The following MED13L variants were observed in gnomAD, a reference collection of about 807,000 sequenced individuals.
The protein encoded by MED13L is mediator of RNA polymerase II transcription subunit 13-like.
Under a neutral mutation model 220.9 loss-of-function variants are expected in MED13L, and 7 were observed. The observed-to-expected ratio is 0.03, with a 90% CI of 0.02 to 0.06. MED13L has a LOEUF of 0.06. MED13L is among the 10% of genes least tolerant of loss of function. The pLI, the probability that MED13L is intolerant of heterozygous loss-of-function variation, is 1.00. For missense variants in MED13L, 1,965 were observed against 2,760.5 expected (o/e 0.71, Z 6.46); for synonymous variants, 1,011 against 1,015.2 (o/e 1.00, Z 0.08).
rs368560351 is a variant in MED13L, at chr12:116,015,170, G to A, written c.1114C>T (p.Leu372Phe). The A allele has an allele frequency of 4.3e-6, 7 of 1,613,738 alleles. No homozygotes were observed. The highest frequency in any genetic ancestry group is 5.9e-6 in the Non-Finnish European group (7 of 1,179,878). The stretch of plus-strand genomic sequence containing the variant: ...ACTCGATGGACCATATGATTGTGGA[G>A]TTTTGGAGGAATCTTCCCCGATCTC... ...PKRSGKIPPK[L>F]HNHMVHRVWK... The change falls in exon 8 of 31, where the codon CTC (leucine) becomes TTC (phenylalanine). Residue 372 changes from leucine to phenylalanine, a missense_variant. Coordinates refer to ENST00000281928, the MANE Select transcript of MED13L (RefSeq NM_015335.5).
rs74925712 is a variant in MED13L at position 116,022,902 on chromosome 12, T to C, written c.480-301A>G. Reference sequence around the variant, plus strand: ...TAAACACCTAAGAACAGAGAAGGAATTGGAATAGTTTTCTATTGTCTCAGT... The same window carrying C: ...TAAACACCTAAGAACAGAGAAGGAACTGGAATAGTTTTCTATTGTCTCAGT... On this transcript the variant is annotated intron_variant, in intron 4 of 30. Coordinates refer to ENST00000281928, the MANE Select transcript of MED13L (RefSeq NM_015335.5). Among the ~76,000 whole-genome samples, 58 of 152,228 alleles carry C rather than the reference T, an allele frequency of 3.8e-4. No homozygotes were observed. In the East Asian group the frequency reaches 8.5e-3, roughly 22 times the overall value.
At chr12:116,179,574 A>G (rs1233303376) in intron 2 of MED13L, among the ~76,000 whole-genome samples, 3 of 152,098 alleles carry the variant, frequency 2.0e-5, no homozygotes, top group Non-Finnish European at 4.4e-5. Context: ...TGATCATGCC[A>G]CTGCACTCCA....
Position 116,003,067 on chromosome 12 carries a change from A to T in MED13L, c.2505T>A (p.Pro835=). Residue 835 remains proline (P), a synonymous_variant, in exon 14 of 31, where the codon CCT becomes CCA. Transcript: ENST00000281928. ...GAGGTCGGTCTTCTGTCCCAACTGC[A>T]GGCATTTTTGATGAGCGCAGAGCAG... ...VSPALRSSKM[P]AVGTEDRPLG... 1 of 1,614,158 alleles carries T rather than the reference A, an allele frequency of 6.2e-7. No individual in the cohort carries two copies. The highest frequency in any genetic ancestry group is 8.5e-7 in the Non-Finnish European group (1 of 1,179,974).
chr12:116,116,340 C>T (rs1269747757), intron 2 of MED13L, among the ~76,000 whole-genome samples: 1 of 151,944 alleles, frequency 6.6e-6, no homozygotes, highest in African/African-American at 2.4e-5. Flanking sequence ...GATTATATAA[C>T]GAAGCTTTCA....
intron 4 of MED13L, among the ~76,000 whole-genome samples, chr12:116,031,085 T>C (rs979949526): frequency 1.3e-5 from 2 of 152,168 alleles, no homozygotes; most frequent in Non-Finnish European, 1.5e-5. Context: ...ATAATAATTA[T>C]TTTTAAAACT....
At chr12:116,066,200 C>T (rs1318973618) in intron 4 of MED13L, among the ~76,000 whole-genome samples, 1 of 152,170 alleles carries the variant, frequency 6.6e-6, no homozygotes, top group Non-Finnish European at 1.5e-5. Context: ...AAAGCATGCG[C>T]ACTCTGGACA....
At chr12:116,275,984 C>T (rs1873782369) in intron 1 of MED13L, among the ~76,000 whole-genome samples, 1 of 152,198 alleles carries the variant, frequency 6.6e-6, no homozygotes, top group Non-Finnish European at 1.5e-5. Context: ...AATTATTAGC[C>T]TAAACGCCAG....
intron 2 of MED13L, among the ~76,000 whole-genome samples, chr12:116,203,035 A>T (rs1223391377): frequency 6.6e-6 from 1 of 152,178 alleles, no homozygotes; most frequent in African/African-American, 2.4e-5. Context: ...TTGCCACAGA[A>T]ACCAACACTG....
rs1294726597 is a variant in MED13L at position 115,959,243 on chromosome 12, A to AG, written c.*2022dup. On this transcript the variant is annotated 3_prime_UTR_variant, in exon 31 of 31. Transcript: ENST00000281928. Reference sequence around the variant, plus strand: ...TCTTAACTTAAAAAACTTAAATAAAAGACACCAGATGAAAACTACCCTTTG... The same window carrying AG: ...TCTTAACTTAAAAAACTTAAATAAAAGGACACCAGATGAAAACTACCCTTTG... The AG allele has an allele frequency of 6.6e-6, 1 of 152,616 alleles. No individual in the cohort carries two copies. The highest frequency in any genetic ancestry group is 2.4e-5 in the African/African-American group (1 of 41,462). 9.5% of individuals were successfully genotyped at this position (152,616 alleles called of 1,614,324 possible).
At chr12:116,015,051 G>A in intron 8 of MED13L, 58 bp downstream of exon 8, 1 of 1,519,592 alleles carries the variant, frequency 6.6e-7, no homozygotes, top group Non-Finnish European at 9.1e-7. Flanking sequence ...CATTTTCCAG[G>A]TAGCAATCAA....
At chr12:116,269,751 G>C (rs1873130317) in intron 1 of MED13L, among the ~76,000 whole-genome samples, 1 of 152,172 alleles carries the variant, frequency 6.6e-6, no homozygotes, top group Non-Finnish European at 1.5e-5. Context: ...TGTCAGCCAA[G>C]GCTCTGCGCT....
chr12:116,151,370 A>G (rs1878024313), intron 2 of MED13L, among the ~76,000 whole-genome samples: 1 of 152,218 alleles, frequency 6.6e-6, no homozygotes, highest in South Asian at 2.1e-4. Flanking sequence ...TCCTACCTTC[A>G]AATTGCCTCC....
chr12:116,126,313 G>C (rs939112021), intron 2 of MED13L, among the ~76,000 whole-genome samples: 1 of 152,322 alleles, frequency 6.6e-6, no homozygotes, highest in South Asian at 2.1e-4. Context: ...TTCGAAATCT[G>C]GCTAGAATGG....
chr12:116,242,290 T>C (rs931104988), intron 1 of MED13L, among the ~76,000 whole-genome samples: 3 of 152,222 alleles, frequency 2.0e-5, no homozygotes, highest in South Asian at 2.1e-4. Context: ...GGTGATACGC[T>C]TGCCTTGGCC....
intron 4 of MED13L, among the ~76,000 whole-genome samples, chr12:116,094,706 A>G (rs1488570164): frequency 6.6e-6 from 1 of 152,198 alleles, no homozygotes; most frequent in Non-Finnish European, 1.5e-5. Flanking sequence ...CAGTGACACA[A>G]TCCATGTTAG....
At chr12:116,078,044 T>G (rs1304707117) in intron 4 of MED13L, among the ~76,000 whole-genome samples, 1 of 149,084 alleles carries the variant, frequency 6.7e-6, no homozygotes, top group Non-Finnish European at 1.5e-5. Flanking sequence ...CTCGGGAGGC[T>G]GAGGCACAAG....
chr12:116,142,026 C>A (rs538393920), intron 2 of MED13L, among the ~76,000 whole-genome samples: 3 of 152,178 alleles, frequency 2.0e-5, no homozygotes, highest in Admixed American at 6.5e-5. Flanking sequence ...GTTCTCTCTC[C>A]CTGAAATGCT....
At chr12:116,187,917 A>T (rs1363261107) in intron 2 of MED13L, among the ~76,000 whole-genome samples, 3 of 152,080 alleles carry the variant, frequency 2.0e-5, no homozygotes, top group Non-Finnish European at 4.4e-5. Context: ...TGTCAACAGA[A>T]ATCAGTGAAA....
chr12:116,031,673 GA>G (rs1199876022), intron 4 of MED13L, among the ~76,000 whole-genome samples: 2 of 84,432 alleles, frequency 2.4e-5, no homozygotes, highest in Non-Finnish European at 5.4e-5. Context: ...CGGGAGAAAA[GA>G]AAAAAGAAAA....
Sources: gnomAD v4.1 joint callset for allele counts (sites outside exome capture counted in the v4.1 genomes callset) on GRCh38, gnomAD v4.1.1 for gene constraint, MANE v1.5 for transcripts, NCBI Gene and HGNC (gene_info 2026-07-23, HGNC 2026-07-21) for gene names.